Variants in CAST observed in about 807,000 individuals in gnomAD.
CAST encodes the protein MIR583 host.
CAST carries 76 observed loss-of-function variants against 119.6 expected under a neutral mutation model. The observed-to-expected ratio is 0.64, with a 90% CI of 0.53 to 0.77. CAST has a LOEUF of 0.77. CAST is among the 30% of genes least tolerant of loss of function. The pLI, the probability that CAST is intolerant of heterozygous loss-of-function variation, is 0.00. For missense variants in CAST, 953 were observed against 946.5 expected (o/e 1.01, Z -0.09); for synonymous variants, 319 against 331.6 (o/e 0.96, Z 0.41).
chr5:96,131,291 A>G, the CAST span, among the ~76,000 whole-genome samples: 1 of 152,078 alleles, frequency 6.6e-6, no homozygotes, highest in African/African-American at 2.4e-5. Context: ...ACAGTGTGAT[A>G]GTATTTTTAA....
At chr5:96,258,986 G>A in the CAST span, among the ~76,000 whole-genome samples, 393 of 152,338 alleles carry the variant, frequency 2.6e-3, 4 homozygotes, top group African/African-American at 9.0e-3. Flanking sequence ...AGTGGGAAGA[G>A]GTTACTTTGG....
At chr5:96,515,266 G>A in the CAST span, among the ~76,000 whole-genome samples, 7 of 140,734 alleles carry the variant, frequency 5.0e-5, no homozygotes, top group East Asian at 1.3e-3. Context: ...TAGTCCTGGG[G>A]ATGAAAATAT....
At chr5:96,446,941 G>A in the CAST span, among the ~76,000 whole-genome samples, 1 of 152,192 alleles carries the variant, frequency 6.6e-6, no homozygotes, top group East Asian at 1.9e-4. Flanking sequence ...TCGTTTGGGG[G>A]ATTTGGGAGG....
At chr5:96,163,262 T>C in the CAST span, among the ~76,000 whole-genome samples, 2 of 152,186 alleles carry the variant, frequency 1.3e-5, no homozygotes. Flanking sequence ...ATTTTAATAA[T>C]TTGCATGTTC....
At chr5:96,624,470 A>G (rs939296740) in intron 1 of CAST, among the ~76,000 whole-genome samples, 1 of 152,266 alleles carries the variant, frequency 6.6e-6, no homozygotes, top group African/African-American at 2.4e-5. Context: ...AATTATAACA[A>G]TGGTTACCAC....
At chr5:96,487,452 A>G in the CAST span, among the ~76,000 whole-genome samples, 1 of 152,208 alleles carries the variant, frequency 6.6e-6, no homozygotes, top group Non-Finnish European at 1.5e-5. Flanking sequence ...CATCAGTTAT[A>G]GTTTCATCAT....
chr5:96,450,569 C>A, the CAST span, among the ~76,000 whole-genome samples: 1 of 152,142 alleles, frequency 6.6e-6, no homozygotes, highest in Non-Finnish European at 1.5e-5. Context: ...CACAACTGCA[C>A]GTGTCCCCCT....
At chr5:96,463,139 C>T in the CAST span, among the ~76,000 whole-genome samples, 1 of 152,098 alleles carries the variant, frequency 6.6e-6, no homozygotes, top group Admixed American at 6.6e-5. Context: ...CATGTGTATA[C>T]AGCAGCTTGA....
chr5:96,038,313 T>C, the CAST span, among the ~76,000 whole-genome samples: 1 of 152,108 alleles, frequency 6.6e-6, no homozygotes, highest in African/African-American at 2.4e-5. Context: ...TTGAAGAATT[T>C]AAATGTTTTA....
chr5:96,562,214 T>C (rs6866374), intron 1 of CAST, among the ~76,000 whole-genome samples: 1 of 151,440 alleles, frequency 6.6e-6, no homozygotes, highest in Non-Finnish European at 1.5e-5. Context: ...CACAAATCCA[T>C]AGGGTAAAAT....
At chr5:96,505,243 C>A in the CAST span, among the ~76,000 whole-genome samples, 10 of 152,148 alleles carry the variant, frequency 6.6e-5, no homozygotes, top group African/African-American at 2.2e-4. Flanking sequence ...CATGAAATCA[C>A]CCAATCTCAA....
the CAST span, among the ~76,000 whole-genome samples, chr5:96,513,584 C>G: frequency 5.3e-5 from 8 of 152,130 alleles, no homozygotes; most frequent in Admixed American, 3.3e-4. Context: ...ATACAAATTC[C>G]TATAAGAGCC....
the CAST span, among the ~76,000 whole-genome samples, chr5:96,455,557 G>A: frequency 6.6e-6 from 1 of 152,152 alleles, no homozygotes; most frequent in Non-Finnish European, 1.5e-5. Context: ...AGCTAAGGAG[G>A]GTCTTAGCTC....
At chr5:96,192,364 G>T in the CAST span, among the ~76,000 whole-genome samples, 1 of 152,178 alleles carries the variant, frequency 6.6e-6, no homozygotes, top group African/African-American at 2.4e-5. Context: ...GCATTAAGAT[G>T]TCTTTACAGG....
chr5:96,713,905 G>A (rs1756703376), intron 3 of CAST, among the ~76,000 whole-genome samples: 1 of 152,092 alleles, frequency 6.6e-6, no homozygotes. Context: ...AACCCAGGTG[G>A]CGGAGGTTAC....
chr5:96,668,396 T>C (rs1749619552), intron 1 of CAST, among the ~76,000 whole-genome samples: 1 of 152,216 alleles, frequency 6.6e-6, no homozygotes, highest in African/African-American at 2.4e-5. Context: ...CTTTGTACTT[T>C]AGGGAAAGTA....
At chr5:96,052,168 G>A in the CAST span, among the ~76,000 whole-genome samples, 1 of 152,190 alleles carries the variant, frequency 6.6e-6, no homozygotes, top group African/African-American at 2.4e-5. Context: ...CTGATTGATG[G>A]AGTTAGTGCA....
chr5:96,312,785 C>T, the CAST span, among the ~76,000 whole-genome samples: 1 of 152,040 alleles, frequency 6.6e-6, no homozygotes, highest in African/African-American at 2.4e-5. Flanking sequence ...GCTAATATGC[C>T]TAAGTGTTCT....
chr5:96,760,919 C>T (rs1767716187), intron 24 of CAST: 1 of 151,888 alleles, frequency 6.6e-6, no homozygotes, highest in South Asian at 2.1e-4. Context: ...TGAAAAAGTA[C>T]TAAAAAGCAT....
Sources: gnomAD v4.1 joint callset for allele counts (sites outside exome capture counted in the v4.1 genomes callset) on GRCh38, gnomAD v4.1.1 for gene constraint, MANE v1.5 for transcripts, NCBI Gene and HGNC (gene_info 2026-07-23, HGNC 2026-07-21) for gene names.